Variants in PIBF1 observed in about 807,000 individuals in gnomAD.
PIBF1 encodes the protein progesterone-induced-blocking factor 1.
A neutral mutation model predicts 112.5 loss-of-function variants in PIBF1; 90 were observed. The observed-to-expected ratio is 0.80, with a 90% CI of 0.67 to 0.95. The LOEUF is 0.95. Ranked by LOEUF, PIBF1 falls within the 40% of genes least tolerant of loss-of-function variation. The pLI, the probability that PIBF1 is intolerant of heterozygous loss-of-function variation, is 0.00. For missense variants in PIBF1, 915 were observed against 852.3 expected (o/e 1.07, Z -0.92); for synonymous variants, 301 against 288.6 (o/e 1.04, Z -0.44).
At chr13:72,816,965 G>T (rs141285301) in intron 5 of PIBF1, among the ~76,000 whole-genome samples, 2 of 152,128 alleles carry the variant, frequency 1.3e-5, no homozygotes, top group East Asian at 3.9e-4. Context: ...AGCTTAATTA[G>T]GTTTCTTGTT....
At chr13:72,866,346 T>C in intron 10 of PIBF1, among the ~76,000 whole-genome samples, 1 of 152,210 alleles carries the variant, frequency 6.6e-6, no homozygotes. Flanking sequence ...ACCTACCACA[T>C]ATACCTTTTA....
intron 2 of PIBF1, among the ~76,000 whole-genome samples, 159 bp downstream of exon 2, chr13:72,783,880 G>T (rs764851130): frequency 6.6e-6 from 1 of 151,980 alleles, no homozygotes; most frequent in Non-Finnish European, 1.5e-5. Flanking sequence ...TAGAAGTAGA[G>T]AATAGAATGG....
chr13:72,866,468 C>T (rs1231832432), intron 10 of PIBF1, among the ~76,000 whole-genome samples: 2 of 152,054 alleles, frequency 1.3e-5, no homozygotes, highest in Admixed American at 1.3e-4. Context: ...TATGATATTT[C>T]TATGGACTAT....
At chr13:72,978,820 A>G (rs796178140) in intron 16 of PIBF1, among the ~76,000 whole-genome samples, 3 of 152,364 alleles carry the variant, frequency 2.0e-5, no homozygotes, top group Non-Finnish European at 2.9e-5. Context: ...AGGAAAAGAT[A>G]AACTGATAGG....
intron 16 of PIBF1, among the ~76,000 whole-genome samples, chr13:72,992,491 T>C (rs763622293): frequency 6.6e-6 from 1 of 152,130 alleles, no homozygotes; most frequent in Non-Finnish European, 1.5e-5. Flanking sequence ...ACACAAATTA[T>C]CGCATCCACG....
chr13:73,009,197 A>C (rs2044124678), intron 17 of PIBF1, among the ~76,000 whole-genome samples: 1 of 152,238 alleles, frequency 6.6e-6, no homozygotes, highest in African/African-American at 2.4e-5. Flanking sequence ...TTTTTCCCTA[A>C]GTCCTACCCA....
chr13:72,881,505 C>T (rs2039633246), intron 10 of PIBF1, among the ~76,000 whole-genome samples: 1 of 152,048 alleles, frequency 6.6e-6, no homozygotes, highest in Non-Finnish European at 1.5e-5. Context: ...ATCACGAGGT[C>T]AGGAGTTTGA....
chr13:72,915,640 T>G (rs1204513864), intron 12 of PIBF1, among the ~76,000 whole-genome samples: 5 of 152,170 alleles, frequency 3.3e-5, no homozygotes, highest in African/African-American at 1.2e-4. Flanking sequence ...AGAGCTTATT[T>G]GGAGAACTCA....
At chr13:73,013,218 G>A (rs1301516776) in intron 17 of PIBF1, among the ~76,000 whole-genome samples, 5 of 147,960 alleles carry the variant, frequency 3.4e-5, no homozygotes, top group Admixed American at 2.0e-4. Flanking sequence ...GGAGAATGGC[G>A]TGAACCCGGG....
chr13:72,799,156 AAAT>A (rs1458183655), intron 5 of PIBF1, among the ~76,000 whole-genome samples: 1 of 152,240 alleles, frequency 6.6e-6, no homozygotes, highest in African/African-American at 2.4e-5. Context: ...CAAATGGAGA[AAAT>A]AATACTGTTT....
chr13:72,924,010 G>T (rs1490207544), intron 13 of PIBF1, among the ~76,000 whole-genome samples: 3 of 152,112 alleles, frequency 2.0e-5, no homozygotes, highest in Non-Finnish European at 2.9e-5. Flanking sequence ...TGTTTTCATT[G>T]TATGTTTATT....
chr13:72,914,448 C>T (rs911798559), intron 12 of PIBF1, among the ~76,000 whole-genome samples: 1 of 151,988 alleles, frequency 6.6e-6, no homozygotes, highest in African/African-American at 2.4e-5. Flanking sequence ...TACTTATAAC[C>T]TTCACTAGGC....
chr13:72,862,573 C>T (rs546911577), intron 10 of PIBF1, among the ~76,000 whole-genome samples: 1 of 152,302 alleles, frequency 6.6e-6, no homozygotes, highest in East Asian at 1.9e-4. Flanking sequence ...AGATGAAAGG[C>T]TCTCTGTCTT....
chr13:72,791,878 C>T (rs2034949036), intron 2 of PIBF1, among the ~76,000 whole-genome samples: 1 of 151,970 alleles, frequency 6.6e-6, no homozygotes, highest in African/African-American at 2.4e-5. Context: ...AAGTTGTCTG[C>T]CCGCCTCGGC....
At chr13:72,894,015 A>AAATC in intron 11 of PIBF1, 66 bp downstream of exon 11, 2 of 382,522 alleles carry the variant, frequency 5.2e-6, no homozygotes, top group Non-Finnish European at 8.5e-6. Context: ...CAAGATTTAT[A>AAATC]TTGAGCTTTA....
rs2043765147 is a variant in PIBF1, at chr13:72,998,842, GATTCTCGTTAAGATGCATAGTAAAC to G, written c.2076_2100del (p.Val693ArgfsTer14). The G allele has an allele frequency of 6.2e-7, 1 of 1,611,496 alleles. No homozygotes were observed. Among genetic ancestry groups the G allele is most frequent in the African/African-American group, 1.3e-5 (1 of 74,828 alleles). On this transcript the variant is annotated frameshift_variant, in exon 17 of 18. Transcript: ENST00000326291. LOFTEE classifies it high-confidence loss of function. The stretch of plus-strand genomic sequence containing the variant: ...AACAGGAATTGGCAGCAATGAAACA[GATTCTCGTTAAGATGCATAGTAAAC>G]ATTCTGAGAACAGCTTACTTCTCAC...
rs547091949 is a variant in PIBF1 at position 72,971,472 on chromosome 13, T to C, written c.1965-2119T>C. Among the ~76,000 whole-genome samples the C allele has an allele frequency of 9.8e-5, 15 of 152,288 alleles. No homozygotes were observed. In the South Asian group the frequency reaches 2.9e-3, roughly 29 times the overall value. ...ACATGGCACTCAGTTTCCTTTATAC[T>C]GTTTTGTTCTTTTCAACTCCTCAGC... is the stretch of plus-strand genomic sequence containing the variant. On this transcript the variant is annotated intron_variant, in intron 15 of 17. Coordinates refer to ENST00000326291, the MANE Select transcript of PIBF1 (RefSeq NM_006346.4).
At chr13:72,932,803 ATTTAG>A (rs1298896783) in intron 14 of PIBF1, among the ~76,000 whole-genome samples, 2 of 152,124 alleles carry the variant, frequency 1.3e-5, no homozygotes, top group Non-Finnish European at 2.9e-5. Context: ...AATTTAAATA[ATTTAG>A]TTTAGTTTTT....
At chr13:72,844,766 C>G (rs1192681783) in intron 9 of PIBF1, among the ~76,000 whole-genome samples, 6 of 104,540 alleles carry the variant, frequency 5.7e-5, no homozygotes, top group African/African-American at 1.8e-4. Flanking sequence ...CACACACACA[C>G]ACACACACAC....
Sources: gnomAD v4.1 joint callset for allele counts (sites outside exome capture counted in the v4.1 genomes callset) on GRCh38, gnomAD v4.1.1 for gene constraint, MANE v1.5 for transcripts, NCBI Gene and HGNC (gene_info 2026-07-23, HGNC 2026-07-21) for gene names.